HIPK2: variants seen among roughly 807,000 people sequenced by gnomAD.
HIPK2 encodes homeodomain interacting protein kinase 2, also known as homeodomain-interacting protein kinase 2.
A neutral mutation model predicts 113.7 loss-of-function variants in HIPK2; 27 were observed. The ratio of observed to expected loss-of-function variants is 0.24; its 90% CI spans 0.17 to 0.33. The LOEUF (loss-of-function observed/expected upper bound fraction) is 0.33. Among genes scored for constraint, HIPK2 ranks in the 10% least tolerant of loss-of-function variants. The pLI, the probability that HIPK2 is intolerant of heterozygous loss-of-function variation, is 1.00. For missense variants in HIPK2, 1,257 were observed against 1,588.0 expected, an observed-to-expected ratio of 0.79 and a Z score of 3.54; for synonymous variants, 631 against 642.2, an observed-to-expected ratio of 0.98 and a Z score of 0.26.
intron 1 of HIPK2, among the ~76,000 whole-genome samples, chr7:139,772,844 C>T (rs1304702278): frequency 6.6e-6 from 1 of 151,378 alleles, no homozygotes; most frequent in African/African-American, 2.4e-5. Context: ...CCTCAGCCTT[C>T]CAAAGTGCTG....
intron 14 of HIPK2, among the ~76,000 whole-genome samples, chr7:139,574,496 A>AC (rs1798421302): frequency 6.6e-6 from 1 of 152,208 alleles, no homozygotes; most frequent in African/African-American, 2.4e-5. Context: ...TCCACTGATG[A>AC]CCTGGGGCAG....
At chr7:139,669,525 T>C (rs1802185404) in intron 2 of HIPK2, among the ~76,000 whole-genome samples, 1 of 152,204 alleles carries the variant, frequency 6.6e-6, no homozygotes, top group African/African-American at 2.4e-5. Flanking sequence ...ATGTATCTGT[T>C]GAGCATGGTT....
At position 139,597,004 on chromosome 7, in the gene HIPK2, A is replaced by G. The variant is rs2116655366; in HGVS notation, c.2436-6T>C. On this transcript the variant is annotated splice_region_variant and splice_polypyrimidine_tract_variant and intron_variant, in intron 11 of 14. Transcript: ENST00000406875. Reference sequence around the variant, plus strand: ...CCTCACAGGTGGAGACATTTCTGTAATGAGAAAACCACACTCTCACACAGA... The same window carrying G: ...CCTCACAGGTGGAGACATTTCTGTAGTGAGAAAACCACACTCTCACACAGA... The G allele has an allele frequency of 6.3e-7, 1 of 1,585,818 alleles. No individual in the cohort carries two copies. The highest frequency in any genetic ancestry group is 1.3e-5 in the African/African-American group (1 of 74,558).
chr7:139,663,997 C>T (rs1801956262), intron 2 of HIPK2, among the ~76,000 whole-genome samples: 1 of 152,212 alleles, frequency 6.6e-6, no homozygotes, highest in South Asian at 2.1e-4. Context: ...GGCCAAGGGG[C>T]CATTCTTCAA....
intron 1 of HIPK2, among the ~76,000 whole-genome samples, chr7:139,718,005 A>C (rs1378376081): frequency 3.3e-5 from 5 of 152,030 alleles, no homozygotes; most frequent in African/African-American, 1.2e-4. Flanking sequence ...CAGCCTCCCA[A>C]AGTGCTGGGA....
chr7:139,646,207 T>G (rs1569463163), intron 2 of HIPK2, among the ~76,000 whole-genome samples: 1 of 152,044 alleles, frequency 6.6e-6, no homozygotes. Context: ...AACAAACGGT[T>G]CCCTTAAGGC....
intron 2 of HIPK2, among the ~76,000 whole-genome samples, chr7:139,648,550 C>G (rs761844027): frequency 6.6e-6 from 1 of 152,204 alleles, no homozygotes; most frequent in Non-Finnish European, 1.5e-5. Context: ...TTTATCCCCC[C>G]GGGATAGCAT....
rs1202552389 is a variant in HIPK2, at chr7:139,565,602, G to T, written c.*7325C>A. On this transcript the variant is annotated 3_prime_UTR_variant, in exon 15 of 15. Transcript: ENST00000406875. ...TTCCTTTTATCATGAAAGCTGGCTG[G>T]TTTTCCTGTTTATACAATTGTTGCT... The T allele has an allele frequency of 2.0e-5, 3 of 151,886 alleles. No individual in the cohort carries two copies. The highest frequency in any genetic ancestry group is 7.3e-5 in the African/African-American group (3 of 41,332). The allele number at this position is 151,886 out of a possible 1,614,324, so 9.4% of individuals were successfully genotyped here. A position where few individuals can be genotyped will look rare whatever the true frequency, so the allele number is the denominator to read the frequency against.
Position 139,717,042 on chromosome 7 carries a change from A to T in HIPK2, c.20-27T>A, listed in dbSNP as rs373225163. 14 of 1,587,996 alleles carry T rather than the reference A, an allele frequency of 8.8e-6. No individual in the cohort carries two copies. The African/African-American group carries it at 1.6e-4, about 18-fold the overall frequency. ...TACAAGGAAAGGAAAACGAAAAGTA[A>T]GTATCGGAGTCACCTTGGTACAAGT... On this transcript the variant is annotated intron_variant, in intron 1 of 14. Coordinates refer to ENST00000406875, the MANE Select transcript of HIPK2 (RefSeq NM_022740.5).
At chr7:139,687,152 G>C (rs1173338343) in intron 2 of HIPK2, among the ~76,000 whole-genome samples, 1 of 152,242 alleles carries the variant, frequency 6.6e-6, no homozygotes, top group East Asian at 1.9e-4. Context: ...ATGTTGGCCA[G>C]ACTGGTCTCA....
chr7:139,728,088 C>T (rs1046983610), intron 1 of HIPK2, among the ~76,000 whole-genome samples: 6 of 151,524 alleles, frequency 4.0e-5, no homozygotes, highest in South Asian at 4.2e-4. Flanking sequence ...TACAGGTGTG[C>T]GCCATCATGC....
intron 10 of HIPK2, among the ~76,000 whole-genome samples, chr7:139,600,857 A>G (rs1799399564): frequency 6.6e-6 from 1 of 152,226 alleles, no homozygotes; most frequent in Admixed American, 6.5e-5. Context: ...ACCGGCTCCA[A>G]GTTTTTAAGT....
Position 139,654,442 on chromosome 7 carries a change from G to A in HIPK2, c.1104-22717C>T, listed in dbSNP as rs1220834122. Among the ~76,000 whole-genome samples the A allele has an allele frequency of 2.0e-5, 3 of 152,110 alleles. 1 individual carries two copies. The highest frequency in any genetic ancestry group is 6.3e-3 in the Middle Eastern group (2 of 316). On this transcript the variant is annotated intron_variant, in intron 2 of 14. Transcript: ENST00000406875. ...GCAGGAGTACTGCTTGAGTCTGAGA[G>A]GTTCAAGCCAAAGTGAGTCATGATC...
At chr7:139,687,753 C>G (rs1430816551) in intron 2 of HIPK2, among the ~76,000 whole-genome samples, 1 of 152,154 alleles carries the variant, frequency 6.6e-6, no homozygotes, top group African/African-American at 2.4e-5. Context: ...TCAGGCAGTA[C>G]AGGGCAGAGG....
At chr7:139,578,876 T>G (rs1197459489) in intron 13 of HIPK2, among the ~76,000 whole-genome samples, 2 of 152,166 alleles carry the variant, frequency 1.3e-5, no homozygotes, top group Non-Finnish European at 2.9e-5. Flanking sequence ...TTTGCCATGT[T>G]GGCCAGGCTG....
intron 2 of HIPK2, among the ~76,000 whole-genome samples, chr7:139,647,178 C>T (rs1215504075): frequency 6.6e-6 from 1 of 151,360 alleles, no homozygotes; most frequent in Non-Finnish European, 1.5e-5. Flanking sequence ...CTGGAAGCAT[C>T]CCGAGGCCAT....
intron 2 of HIPK2, among the ~76,000 whole-genome samples, chr7:139,694,933 T>C (rs1794520689): frequency 1.3e-5 from 2 of 152,324 alleles, no homozygotes; most frequent in South Asian, 4.1e-4. Flanking sequence ...CTGCTGAACC[T>C]GTGATATTTA....
chr7:139,690,843 C>T (rs529066622), intron 2 of HIPK2, among the ~76,000 whole-genome samples: 14 of 152,230 alleles, frequency 9.2e-5, no homozygotes, highest in South Asian at 8.3e-4. Context: ...CTTTTGCAGA[C>T]ATCAGAATCA....
intron 7 of HIPK2, among the ~76,000 whole-genome samples, chr7:139,617,705 C>T (rs1440076742): frequency 6.6e-6 from 1 of 152,124 alleles, no homozygotes; most frequent in Admixed American, 6.5e-5. Flanking sequence ...TTCCTTGAGA[C>T]CTAAAAGATT....
Sources: gnomAD v4.1 joint callset for allele counts (sites outside exome capture counted in the v4.1 genomes callset) on GRCh38, gnomAD v4.1.1 for gene constraint, MANE v1.5 for transcripts, NCBI Gene and HGNC (gene_info 2026-07-23, HGNC 2026-07-21) for gene names.